ARHGEF7: variants seen among roughly 807,000 people sequenced by gnomAD.
ARHGEF7 encodes the protein Rho guanine nucleotide exchange factor 7.
ARHGEF7 carries 33 observed loss-of-function variants against 109.8 expected under a neutral mutation model. That is an observed-to-expected ratio of 0.30 (90% CI 0.23 to 0.40). ARHGEF7 has a LOEUF of 0.40. ARHGEF7 is among the 10% of genes least tolerant of loss of function. The pLI is 1.00. For synonymous variants in ARHGEF7, 458 were observed against 424.6 expected (o/e 1.08, Z -0.97); for missense variants, 938 against 1,098.5 (o/e 0.85, Z 2.07).
chr13:111,168,140 G>T (rs993329117), intron 2 of ARHGEF7, among the ~76,000 whole-genome samples: 4 of 152,108 alleles, frequency 2.6e-5, no homozygotes, highest in Admixed American at 2.0e-4. Context: ...TTCCTCTCTC[G>T]TCCAGGTCAT....
intron 15 of ARHGEF7, chr13:111,280,919 T>A: frequency 2.8e-6 from 1 of 353,168 alleles, no homozygotes; most frequent in Non-Finnish European, 5.0e-6. Flanking sequence ...CAGAGGTGCT[T>A]GGGTGGGAAG....
chr13:111,199,947 T>C (rs986828480), intron 2 of ARHGEF7, among the ~76,000 whole-genome samples: 1 of 152,330 alleles, frequency 6.6e-6, no homozygotes, highest in Admixed American at 6.5e-5. Context: ...CTCTTCCTTT[T>C]TTCTGCTCCA....
chr13:111,143,279 G>A (rs886720088), intron 1 of ARHGEF7, among the ~76,000 whole-genome samples: 1 of 152,178 alleles, frequency 6.6e-6, no homozygotes, highest in Non-Finnish European at 1.5e-5. Flanking sequence ...GGGTGGACAT[G>A]ACCCTGCCTC....
intron 9 of ARHGEF7, among the ~76,000 whole-genome samples, chr13:111,270,132 G>A (rs1012956289): frequency 1.4e-4 from 21 of 152,224 alleles, no homozygotes; most frequent in Admixed American, 5.9e-4. Context: ...CTTCTGCAGC[G>A]TCCAGTGATG....
At position 111,303,228 on chromosome 13, in the gene ARHGEF7, T is replaced by C. The variant is rs1033544172; in HGVS notation, c.*115T>C. The C allele has an allele frequency of 1.1e-5, 11 of 968,928 alleles. No homozygotes were observed. In the African/African-American group the frequency reaches 1.8e-4, roughly 16 times the overall value. 60.0% of individuals were successfully genotyped at this position (968,928 alleles called of 1,614,324 possible). Reference sequence around the variant, plus strand: ...GGCAGGGCTGGGTGGGGCGCCACCTTGCTCTCTGTATATAGAAAAGCTGGA... The same window carrying C: ...GGCAGGGCTGGGTGGGGCGCCACCTCGCTCTCTGTATATAGAAAAGCTGGA... On this transcript the variant is annotated 3_prime_UTR_variant, in exon 22 of 22. Coordinates refer to ENST00000646102, the MANE Select transcript of ARHGEF7 (RefSeq NM_001354046.2).
In ARHGEF7 at chr13:111,273,818, G is replaced by C; in HGVS notation, c.1078G>C (p.Glu360Gln). 1 of 1,614,192 alleles carries C rather than the reference G, an allele frequency of 6.2e-7. No individual in the cohort carries two copies. Among genetic ancestry groups the C allele is most frequent in the South Asian group, 1.1e-5 (1 of 91,080 alleles). Reference protein sequence around the residue: ...AVNVLTEHSEELGEFMETKGA... With the variant: ...AVNVLTEHSEQLGEFMETKGA... Reference sequence around the variant, plus strand: ...CTCTTGCCACTTGCTGCCCAGTGAGGAGTTGGGGGAGTTCATGGAGACCAA... The same window carrying C: ...CTCTTGCCACTTGCTGCCCAGTGAGCAGTTGGGGGAGTTCATGGAGACCAA... Residue 360 changes from glutamate (E) to glutamine (Q), a missense_variant, in exon 10 of 22, where the codon GAG becomes CAG. Glu to Gln is a conservative substitution (Grantham distance 29, BLOSUM62 2). Around this residue, in one of 4 missense-constraint regions of ARHGEF7, gnomAD observed 585 missense variants for 723.6 expected, o/e 0.81. Transcript: ENST00000646102. This position sits in a 1 kb window ranked among gnomAD's most constrained non-coding sequence, Gnocchi z 4.5.
At chr13:111,212,989 G>GT (rs2082679254) in intron 4 of ARHGEF7, among the ~76,000 whole-genome samples, 6 of 152,138 alleles carry the variant, frequency 3.9e-5, no homozygotes, top group Admixed American at 3.9e-4. Context: ...TAGTAAAGTT[G>GT]GAGTAAAAAT....
At chr13:111,290,909 A>C (rs1267242840) in intron 18 of ARHGEF7, among the ~76,000 whole-genome samples, 1 of 152,200 alleles carries the variant, frequency 6.6e-6, no homozygotes, top group Non-Finnish European at 1.5e-5. Context: ...GATCATAGTG[A>C]AAGCAGCTCT....
rs139806702 is a variant in ARHGEF7 at position 111,194,398 on chromosome 13, A to T, written c.253-10891A>T. On this transcript the variant is annotated intron_variant, in intron 2 of 21. Transcript: ENST00000646102. ...TGGAGGGGCCTGGCTATCTCGCTGT[A>T]TCCGGCAGTCCATAGTTGGCAAAAC... 8.1e-3 allele frequency among the ~76,000 whole-genome samples: 1,236 copies of T among 152,212 alleles called. 12 individuals are homozygous for T. Among genetic ancestry groups the T allele is most frequent in the Middle Eastern group, 0.021 (6 of 292 alleles).
At position 111,245,109 on chromosome 13, in the gene ARHGEF7, C is replaced by T. The variant is rs1174898539; in HGVS notation, c.950+815C>T. On this transcript the variant is annotated intron_variant, in intron 8 of 21. Coordinates refer to ENST00000646102, the MANE Select transcript of ARHGEF7 (RefSeq NM_001354046.2). The stretch of plus-strand genomic sequence containing the variant: ...GGCGCTGTTGTGGAGAAGAATTGGG[C>T]CCTTCCTGTTGACCAATGCCGGCTG... Among the ~76,000 whole-genome samples the T allele has an allele frequency of 5.3e-5, 8 of 152,224 alleles. 1 individual carries two copies. In the East Asian group the frequency reaches 1.4e-3, roughly 26 times the overall value.
chr13:111,218,828 A>G (rs1011706316), intron 5 of ARHGEF7, among the ~76,000 whole-genome samples: 3 of 152,132 alleles, frequency 2.0e-5, no homozygotes, highest in African/African-American at 7.2e-5. Flanking sequence ...AATGGCTGCT[A>G]TTGTTTTTCT....
chr13:111,154,502 C>G (rs1490290279), intron 2 of ARHGEF7, among the ~76,000 whole-genome samples: 1 of 152,212 alleles, frequency 6.6e-6, no homozygotes, highest in African/African-American at 2.4e-5. Flanking sequence ...TCTGCTTTTT[C>G]TTCCTGAGAC....
chr13:111,208,227 G>C (rs1038467864), intron 3 of ARHGEF7, among the ~76,000 whole-genome samples: 3 of 152,060 alleles, frequency 2.0e-5, no homozygotes, highest in African/African-American at 7.2e-5. Flanking sequence ...TTTAGTAGAG[G>C]CGGGGTTTCT....
At chr13:111,164,936 G>A (rs2077009715) in intron 2 of ARHGEF7, among the ~76,000 whole-genome samples, 1 of 152,212 alleles carries the variant, frequency 6.6e-6, no homozygotes, top group African/African-American at 2.4e-5. Context: ...ACCTGTCAGT[G>A]ATAAGGACCC....
At chr13:111,178,808 A>G (rs1368546920) in intron 2 of ARHGEF7, among the ~76,000 whole-genome samples, 3 of 152,184 alleles carry the variant, frequency 2.0e-5, no homozygotes, top group Admixed American at 2.0e-4. Flanking sequence ...GCAGTGACTG[A>G]GATCTTTAAG....
chr13:111,174,758 A>G (rs944417295), intron 2 of ARHGEF7, among the ~76,000 whole-genome samples: 3 of 152,218 alleles, frequency 2.0e-5, no homozygotes, highest in Admixed American at 1.3e-4. Flanking sequence ...GGTCTGGTCC[A>G]TCTGTACGCT....
chr13:111,293,075 A>T lies in ARHGEF7; in HGVS notation c.2311+781A>T, dbSNP rs146765870. The T allele has an allele frequency of 1.2e-4, 120 of 985,390 alleles. No individual in the cohort carries two copies. The African/African-American group carries it at 2.0e-3, about 16-fold the overall frequency. 61.0% of individuals were successfully genotyped at this position (985,390 alleles called of 1,614,324 possible). A position where few individuals can be genotyped will look rare whatever the true frequency, so the allele number is the denominator to read the frequency against. On this transcript the variant is annotated intron_variant, in intron 19 of 21. Coordinates refer to ENST00000646102, the MANE Select transcript of ARHGEF7 (RefSeq NM_001354046.2). ...CCCCAAACTTCCCTGAATTGCAGTG[A>T]TTTCTGTTATAAGGCACATAGCAAG...
At chr13:111,202,883 AG>A (rs1248010353) in intron 2 of ARHGEF7, among the ~76,000 whole-genome samples, 13 of 152,212 alleles carry the variant, frequency 8.5e-5, no homozygotes, top group Admixed American at 2.6e-4. Context: ...TCCCCCTCTC[AG>A]GGGTAAGGAT....
At chr13:111,201,985 C>T (rs1443280506) in intron 2 of ARHGEF7, among the ~76,000 whole-genome samples, 1 of 151,996 alleles carries the variant, frequency 6.6e-6, no homozygotes, top group East Asian at 1.9e-4. Flanking sequence ...AGCAAAATAC[C>T]AAAAATAAGC....
Sources: allele counts gnomAD v4.1 joint callset (sites outside exome capture counted in the v4.1 genomes callset), GRCh38; gene constraint gnomAD v4.1.1; regional missense constraint gnomAD v4.1.1; non-coding constraint Gnocchi (gnomAD v3.1); transcripts MANE v1.5; gene names NCBI Gene and HGNC (gene_info 2026-07-23, HGNC 2026-07-21).